The following BRINP3 variants were observed in gnomAD, a reference collection of about 807,000 sequenced individuals.
BRINP3 encodes BMP/retinoic acid-inducible neural-specific protein 3.
A neutral mutation model predicts 71.0 loss-of-function variants in BRINP3; 19 were observed. That is an observed-to-expected ratio of 0.27 (90% CI 0.19 to 0.39). BRINP3 has a LOEUF of 0.39. Among genes scored for constraint, BRINP3 ranks in the 10% least tolerant of loss-of-function variants. The pLI, the probability that BRINP3 is intolerant of heterozygous loss-of-function variation, is 1.00. For synonymous variants in BRINP3, 380 were observed against 337.7 expected (o/e 1.13, Z -1.37); for missense variants, 959 against 940.8 (o/e 1.02, Z -0.25).
At position 190,208,802 on chromosome 1, in the gene BRINP3, C is replaced by G. The variant is rs147418886; in HGVS notation, c.961+17280G>C. ...GAGCCACCATGCCCAATCAGAACCA[C>G]CTACTTTTGTATGAGCTCAAATCCT... On this transcript the variant is annotated intron_variant, in intron 6 of 7. Coordinates refer to ENST00000367462, the MANE Select transcript of BRINP3 (RefSeq NM_199051.3). Among the ~76,000 whole-genome samples, 1,237 of 152,066 alleles carry G rather than the reference C, an allele frequency of 8.1e-3. 22 individuals are homozygous for G. The highest frequency in any genetic ancestry group is 0.029 in the African/African-American group (1,187 of 41,516).
At position 190,226,463 on chromosome 1, in the gene BRINP3, T is replaced by TG. The variant is rs1657388607; in HGVS notation, c.725-146_725-145insC. 1.0e-5 allele frequency: 5 copies of TG among 485,316 alleles called. No individual in the cohort carries two copies. The South Asian group carries it at 2.0e-4, about 19-fold the overall frequency. The allele number at this position is 485,316 out of a possible 1,614,324, so 30.1% of individuals were successfully genotyped here. The stretch of plus-strand genomic sequence containing the variant: ...ATTTTTAAACTATCAGAAAAATATC[T>TG]AAGTCTATATGCTGCAAATATTTAT... On this transcript the variant is annotated intron_variant, in intron 5 of 7. Coordinates refer to ENST00000367462, the MANE Select transcript of BRINP3 (RefSeq NM_199051.3).
At chr1:190,406,383 A>T (rs1191159535) in intron 2 of BRINP3, among the ~76,000 whole-genome samples, 1 of 152,196 alleles carries the variant, frequency 6.6e-6, no homozygotes, top group Non-Finnish European at 1.5e-5. Context: ...TAAGCTTAAC[A>T]CAAATCACAT....
rs192450961 is a variant in BRINP3 at position 190,243,419 on chromosome 1, T to G, written c.619-8942A>C. On this transcript the variant is annotated intron_variant, in intron 4 of 7. Transcript: ENST00000367462. ...TAGCCATAAAAAAGCTTTCATTACT[T>G]TCCTAATTGCATGAATATACATTTA... is the stretch of plus-strand genomic sequence containing the variant. Among the ~76,000 whole-genome samples the G allele has an allele frequency of 6.1e-3, 932 of 152,212 alleles. 7 individuals carry two copies. Among genetic ancestry groups the G allele is most frequent in the Non-Finnish European group, 9.4e-3 (641 of 68,010 alleles).
intron 1 of BRINP3, among the ~76,000 whole-genome samples, chr1:190,471,629 T>C (rs1677145315): frequency 6.6e-6 from 1 of 151,456 alleles, no homozygotes; most frequent in African/African-American, 2.4e-5. Context: ...GTAAAAAGCA[T>C]TGGAAATTAG....
chr1:190,236,741 A>T (rs554812241), intron 4 of BRINP3, among the ~76,000 whole-genome samples: 28 of 152,134 alleles, frequency 1.8e-4, no homozygotes, highest in Admixed American at 1.8e-3. Flanking sequence ...TAATATTTAA[A>T]TATAAATTAG....
chr1:190,098,700 T>C lies in BRINP3; in HGVS notation c.1619A>G (p.Asn540Ser), dbSNP rs1253384269. ...RKRMLLTLKSNKYKSSLVHMI... is the reference protein window; with the variant it reads ...RKRMLLTLKSSKYKSSLVHMI... ...ATGGACCAGACTTGACTTGTACTTATTGCTCTTCAAGGTGAGGAGCATCCG... is the reference window on the plus strand; with the variant it reads ...ATGGACCAGACTTGACTTGTACTTACTGCTCTTCAAGGTGAGGAGCATCCG... Residue 540 changes from asparagine (N) to serine (S), a missense_variant, in exon 8 of 8, where the codon AAT becomes AGT. Physicochemically the swap from Asn to Ser is conservative, Grantham distance 46. Coordinates refer to ENST00000367462, the MANE Select transcript of BRINP3 (RefSeq NM_199051.3). 3 of 1,614,198 alleles carry C rather than the reference T, an allele frequency of 1.9e-6. No individual in the cohort carries two copies. Among genetic ancestry groups the C allele is most frequent in the South Asian group, 1.1e-5 (1 of 91,086 alleles).
Position 190,097,881 on chromosome 1 carries a change from T to C in BRINP3, c.*137A>G, listed in dbSNP as rs1473157065. On this transcript the variant is annotated 3_prime_UTR_variant, in exon 8 of 8. Coordinates refer to ENST00000367462, the MANE Select transcript of BRINP3 (RefSeq NM_199051.3). ...TTGTCAGCAAGTTCATGTGTGTAAA[T>C]TGCCATCCAATGTTATTGACTGATA... The C allele has an allele frequency of 3.2e-5, 31 of 963,198 alleles. No individual in the cohort carries two copies. In the Admixed American group the frequency reaches 4.3e-4, roughly 13 times the overall value. The allele number at this position is 963,198 out of a possible 1,614,324, so 59.7% of individuals were successfully genotyped here.
At chr1:190,394,657 A>G (rs1428767704) in intron 2 of BRINP3, among the ~76,000 whole-genome samples, 1 of 151,684 alleles carries the variant, frequency 6.6e-6, no homozygotes, top group Non-Finnish European at 1.5e-5. Flanking sequence ...TACAAAATTT[A>G]AAGGTAAACA....
chr1:190,291,798 A>G (rs1663887650), intron 2 of BRINP3, among the ~76,000 whole-genome samples: 1 of 152,136 alleles, frequency 6.6e-6, no homozygotes, highest in Non-Finnish European at 1.5e-5. Context: ...CAATCCCACC[A>G]CTGGGTATAT....
intron 2 of BRINP3, among the ~76,000 whole-genome samples, chr1:190,316,037 A>G (rs772486477): frequency 5.5e-5 from 4 of 72,110 alleles, no homozygotes; most frequent in Non-Finnish European, 1.1e-4. Flanking sequence ...CAATCCCCCC[A>G]CCCCAAACAA....
chr1:190,460,760 T>C (rs1676337686), intron 1 of BRINP3, among the ~76,000 whole-genome samples: 1 of 152,176 alleles, frequency 6.6e-6, no homozygotes, highest in Non-Finnish European at 1.5e-5. Context: ...TTTCTGGTTT[T>C]CTTATCTCAC....
intron 7 of BRINP3, among the ~76,000 whole-genome samples, chr1:190,123,277 C>G (rs944277925): frequency 3.9e-5 from 6 of 152,132 alleles, no homozygotes; most frequent in African/African-American, 1.4e-4. Flanking sequence ...TTACATAACC[C>G]TGTGTGAACT....
chr1:190,196,584 C>T (rs1401765253), intron 6 of BRINP3, among the ~76,000 whole-genome samples: 2 of 151,994 alleles, frequency 1.3e-5, no homozygotes, highest in African/African-American at 2.4e-5. Flanking sequence ...AATGGGTAAA[C>T]ATAATCAGGA....
chr1:190,396,713 G>GAT (rs3077327), intron 2 of BRINP3, among the ~76,000 whole-genome samples: 6,098 of 100,876 alleles, frequency 0.06, 364 homozygotes, highest in Admixed American at 0.13. Context: ...CTAATTTAAT[G>GAT]ATATATATAT....
chr1:190,434,626 G>A (rs1236865870), intron 2 of BRINP3, among the ~76,000 whole-genome samples: 1 of 151,626 alleles, frequency 6.6e-6, no homozygotes, highest in South Asian at 2.1e-4. Context: ...ATACAAAGAG[G>A]AATGCATTTC....
chr1:190,441,230 A>G (rs1363387417), intron 2 of BRINP3, among the ~76,000 whole-genome samples: 1 of 152,012 alleles, frequency 6.6e-6, no homozygotes, highest in Non-Finnish European at 1.5e-5. Flanking sequence ...TCAGTTTTCC[A>G]TATTTTAGAG....
intron 2 of BRINP3, among the ~76,000 whole-genome samples, chr1:190,393,439 C>T (rs1433871047): frequency 6.6e-6 from 1 of 151,460 alleles, no homozygotes; most frequent in African/African-American, 2.4e-5. Context: ...GAAGGAGAAA[C>T]ATAAATCAAT....
At chr1:190,292,925 G>A (rs1663977891) in intron 2 of BRINP3, among the ~76,000 whole-genome samples, 2 of 151,028 alleles carry the variant, frequency 1.3e-5, no homozygotes, top group Non-Finnish European at 3.0e-5. Flanking sequence ...TTGCTTATAT[G>A]TGTCTTCTTC....
chr1:190,344,478 C>A (rs1479612248), intron 2 of BRINP3, among the ~76,000 whole-genome samples: 2 of 151,808 alleles, frequency 1.3e-5, no homozygotes, highest in Non-Finnish European at 3.0e-5. Flanking sequence ...ACATAAGTAG[C>A]AAAGATTTGA....
Sources: gnomAD v4.1 joint callset for allele counts (sites outside exome capture counted in the v4.1 genomes callset) on GRCh38, gnomAD v4.1.1 for gene constraint, MANE v1.5 for transcripts, NCBI Gene and HGNC (gene_info 2026-07-23, HGNC 2026-07-21) for gene names.